Variants in FHIT observed in about 807,000 individuals in gnomAD.
FHIT encodes the protein fragile histidine triad diadenosine triphosphatase, also known as bis(5'-adenosyl)-triphosphatase.
FHIT carries 19 observed loss-of-function variants against 17.9 expected under a neutral mutation model. That is an observed-to-expected ratio of 1.06 (90% CI 0.74 to 1.56). The LOEUF is 1.56. Among genes scored for constraint, FHIT ranks in the 40% most tolerant of loss-of-function variants. FHIT has a pLI of 0.00. For missense variants in FHIT, 248 were observed against 189.2 expected (o/e 1.31, Z -1.82); for synonymous variants, 81 against 69.7 (o/e 1.16, Z -0.81).
At chr3:60,537,039 AC>A in intron 4 of FHIT, 60 bp from the exon 5 acceptor site, 1 of 1,418,086 alleles carries the variant, frequency 7.1e-7, no homozygotes, top group Non-Finnish European at 9.4e-7. Context: ...TTCATATACC[AC>A]CTTAAAGAAA....
chr3:60,121,348 C>T (rs1400065555), intron 5 of FHIT, among the ~76,000 whole-genome samples: 1 of 152,108 alleles, frequency 6.6e-6, no homozygotes, highest in African/African-American at 2.4e-5. Flanking sequence ...TGCTGTTTCA[C>T]TTTTCATGGT....
chr3:60,649,202 T>G (rs547899241), intron 4 of FHIT, among the ~76,000 whole-genome samples: 3 of 152,060 alleles, frequency 2.0e-5, no homozygotes, highest in African/African-American at 7.2e-5. Context: ...TCGAGACCAT[T>G]CTGGCTAACA....
At chr3:59,864,104 T>C (rs1428809804) in intron 8 of FHIT, among the ~76,000 whole-genome samples, 1 of 152,176 alleles carries the variant, frequency 6.6e-6, no homozygotes, top group Admixed American at 6.5e-5. Context: ...GATCGGCCTA[T>C]ATTCTTAAAA....
intron 3 of FHIT, among the ~76,000 whole-genome samples, chr3:60,945,294 G>A (rs1223665869): frequency 6.6e-6 from 1 of 152,160 alleles, no homozygotes; most frequent in Non-Finnish European, 1.5e-5. Context: ...AAGGAGAGTG[G>A]TATGAGACTA....
At chr3:60,494,291 T>A (rs2034197609) in intron 5 of FHIT, among the ~76,000 whole-genome samples, 1 of 152,220 alleles carries the variant, frequency 6.6e-6, no homozygotes, top group Non-Finnish European at 1.5e-5. Context: ...TTCACATAAA[T>A]TGTATCACAT....
intron 7 of FHIT, among the ~76,000 whole-genome samples, chr3:59,923,970 C>A (rs1247695840): frequency 6.6e-6 from 1 of 152,192 alleles, no homozygotes; most frequent in Non-Finnish European, 1.5e-5. Context: ...TAAAGCCAGT[C>A]ACGGATCTCT....
At chr3:60,670,846 C>T (rs1553693631) in intron 4 of FHIT, among the ~76,000 whole-genome samples, 1 of 152,150 alleles carries the variant, frequency 6.6e-6, no homozygotes, top group African/African-American at 2.4e-5. Flanking sequence ...AATAAATGGA[C>T]TTAACGGGGT....
chr3:60,729,038 C>T (rs2041974568), intron 4 of FHIT, among the ~76,000 whole-genome samples: 1 of 152,136 alleles, frequency 6.6e-6, no homozygotes. Context: ...ACAAAATTCA[C>T]ATATGCCAAA....
chr3:59,769,778 G>A (rs1412209810), intron 8 of FHIT, among the ~76,000 whole-genome samples: 7 of 148,552 alleles, frequency 4.7e-5, no homozygotes. Flanking sequence ...AATTACTTTG[G>A]TTTCAAAATT....
Position 60,728,159 on chromosome 3 carries a change from G to A in FHIT, c.-18+93760C>T, listed in dbSNP as rs143427518. On this transcript the variant is annotated intron_variant, in intron 4 of 9. Transcript: ENST00000492590. Reference sequence around the variant, plus strand: ...AAATTCTTCTACCAGCTCTAAATTCGTGGTTGTGCTATCAACTATGTCACA... The same window carrying A: ...AAATTCTTCTACCAGCTCTAAATTCATGGTTGTGCTATCAACTATGTCACA... Among the ~76,000 whole-genome samples, 97 of 152,274 alleles carry A rather than the reference G, an allele frequency of 6.4e-4. 2 individuals are homozygous for A. Among genetic ancestry groups the A allele is most frequent in the African/African-American group, 2.2e-3 (92 of 41,566 alleles).
At chr3:60,693,530 A>G (rs1474228167) in intron 4 of FHIT, among the ~76,000 whole-genome samples, 7 of 152,234 alleles carry the variant, frequency 4.6e-5, no homozygotes, top group Non-Finnish European at 7.3e-5. Flanking sequence ...TTAACTAAAG[A>G]GGCTAAACTC....
intron 3 of FHIT, among the ~76,000 whole-genome samples, chr3:60,937,965 G>T (rs782406475): frequency 2.0e-5 from 3 of 152,062 alleles, no homozygotes; most frequent in Non-Finnish European, 4.4e-5. Flanking sequence ...GAACAAGGGG[G>T]TCCCAGCCTC....
intron 8 of FHIT, among the ~76,000 whole-genome samples, chr3:59,769,366 C>A (rs1701960705): frequency 6.6e-6 from 1 of 152,150 alleles, no homozygotes; most frequent in Admixed American, 6.5e-5. Context: ...CACCTGCTCA[C>A]CCTCCATTGG....
At chr3:60,173,918 T>TATATATATATATATATATATATATATATA (rs375142735) in intron 5 of FHIT, among the ~76,000 whole-genome samples, 1 of 46,870 alleles carries the variant, frequency 2.1e-5, no homozygotes, top group South Asian at 7.6e-4. Flanking sequence ...TATATATATG[T>TATATATATATATATATATATATATATATA]TTTTTTTTTT....
intron 5 of FHIT, among the ~76,000 whole-genome samples, chr3:60,298,062 T>C (rs10154846): frequency 0.54 from 82,146 of 151,882 alleles, 23,056 homozygotes; most frequent in East Asian, 0.95. Flanking sequence ...ACAAGGTATG[T>C]GGGAAGGAGT....
chr3:60,778,163 T>C (rs1553724932), intron 4 of FHIT, among the ~76,000 whole-genome samples: 1 of 152,234 alleles, frequency 6.6e-6, no homozygotes, highest in African/African-American at 2.4e-5. Context: ...TCTAAAATTC[T>C]AATGTCTGAG....
intron 5 of FHIT, among the ~76,000 whole-genome samples, chr3:60,130,784 G>GTATATACACACATATATGTGTGTGTGT (rs148356992): frequency 0.038 from 4,187 of 111,644 alleles, 221 homozygotes; most frequent in African/African-American, 0.11. Flanking sequence ...GTGTGTGTGT[G>GTATATACACACATATATGTGTGTGTGT]GTGTGTATAT....
chr3:60,524,247 C>T (rs941978857), intron 5 of FHIT, among the ~76,000 whole-genome samples: 1 of 113,462 alleles, frequency 8.8e-6, no homozygotes, highest in African/African-American at 3.4e-5. Context: ...CACACACACA[C>T]AAATAAATTA....
chr3:60,346,924 G>T (rs968501854), intron 5 of FHIT, among the ~76,000 whole-genome samples: 2 of 152,102 alleles, frequency 1.3e-5, no homozygotes, highest in African/African-American at 4.8e-5. Context: ...TTACCTTAAA[G>T]ATTTTTTCCT....
Sources: gnomAD v4.1 joint callset for allele counts (sites outside exome capture counted in the v4.1 genomes callset) on GRCh38, gnomAD v4.1.1 for gene constraint, MANE v1.5 for transcripts, NCBI Gene and HGNC (gene_info 2026-07-23, HGNC 2026-07-21) for gene names.